The following RMND5A variants were observed in gnomAD, a reference collection of about 807,000 sequenced individuals.
RMND5A encodes required for meiotic nuclear division 5 homolog A.
Under a neutral mutation model 49.7 loss-of-function variants are expected in RMND5A, and 17 were observed. That is an observed-to-expected ratio of 0.34 (90% CI 0.23 to 0.51). RMND5A has a LOEUF of 0.51. Among genes scored for constraint, RMND5A ranks in the 20% least tolerant of loss-of-function variants. RMND5A has a pLI of 0.96. For synonymous variants in RMND5A, 156 were observed against 167.7 expected (o/e 0.93, Z 0.54); for missense variants, 255 against 471.3 (o/e 0.54, Z 4.25).
Position 86,720,600 on chromosome 2 carries a change from CGGTG to C in RMND5A, c.-65_-62del. ...GGGAACGAGGAGCAGGACGCGGCCTCGGTGGGGCCCGGGCCGAACGGCTGCGGAC... is the reference window on the plus strand; with the variant it reads ...GGGAACGAGGAGCAGGACGCGGCCTCGGGCCCGGGCCGAACGGCTGCGGAC... On this transcript the variant is annotated 5_prime_UTR_variant, in exon 1 of 9. Transcript: ENST00000283632. The C allele has an allele frequency of 7.5e-7, 1 of 1,339,008 alleles. No individual in the cohort carries two copies. The highest frequency in any genetic ancestry group is 9.7e-7 in the Non-Finnish European group (1 of 1,034,752). 82.9% of individuals were successfully genotyped at this position (1,339,008 alleles called of 1,614,324 possible). A position where few individuals can be genotyped will look rare whatever the true frequency, so the allele number is the denominator to read the frequency against.
At chr2:86,767,013 T>C (rs1047719587) in intron 6 of RMND5A, among the ~76,000 whole-genome samples, 6 of 152,180 alleles carry the variant, frequency 3.9e-5, no homozygotes, top group African/African-American at 1.2e-4. Context: ...TTTTGAGTTA[T>C]GAGCTAGCTG....
chr2:86,748,733 A>G (rs1441338251), intron 2 of RMND5A, among the ~76,000 whole-genome samples: 1 of 152,254 alleles, frequency 6.6e-6, no homozygotes, highest in African/African-American at 2.4e-5. Flanking sequence ...ATGGTAGCTT[A>G]TTAAAATTCT....
chr2:86,773,002 G>A (rs1378904835), intron 8 of RMND5A, among the ~76,000 whole-genome samples: 1 of 152,178 alleles, frequency 6.6e-6, no homozygotes, highest in Non-Finnish European at 1.5e-5. Context: ...TGTGTGACCA[G>A]TACATTTGAA....
chr2:86,736,509 T>C (rs1431620786), intron 1 of RMND5A, among the ~76,000 whole-genome samples: 3 of 84,062 alleles, frequency 3.6e-5, no homozygotes, highest in African/African-American at 1.1e-4. Context: ...TTATATATTA[T>C]GTGATTCTTT....
At chr2:86,760,965 AGTGT>A (rs35942120) in intron 4 of RMND5A, among the ~76,000 whole-genome samples, 4,916 of 145,282 alleles carry the variant, frequency 0.034, 105 homozygotes, top group East Asian at 0.097. Context: ...GAGAGAGAGA[AGTGT>A]GTGTGTGTGT....
rs1195586641 is a variant in RMND5A, at chr2:86,776,542, A to G, written c.*3131A>G. On this transcript the variant is annotated 3_prime_UTR_variant, in exon 9 of 9. Transcript: ENST00000283632. ...CTCGCAGGTTATGCAGCTTAAGTTCAGTCTTCTTTATGCTGCGATTGATTT... is the reference window on the plus strand; with the variant it reads ...CTCGCAGGTTATGCAGCTTAAGTTCGGTCTTCTTTATGCTGCGATTGATTT... The G allele has an allele frequency of 6.6e-6, 1 of 152,212 alleles. No homozygotes were observed. The highest frequency in any genetic ancestry group is 1.5e-5 in the Non-Finnish European group (1 of 68,040). The allele number at this position is 152,212 out of a possible 1,614,324, so 9.4% of individuals were successfully genotyped here. A position where few individuals can be genotyped will look rare whatever the true frequency, so the allele number is the denominator to read the frequency against.
At chr2:86,744,097 A>G (rs1236136858) in intron 2 of RMND5A, among the ~76,000 whole-genome samples, 1 of 152,062 alleles carries the variant, frequency 6.6e-6, no homozygotes, top group Non-Finnish European at 1.5e-5. Flanking sequence ...TCAGTTCCCT[A>G]GTATCTTTCA....
At chr2:86,750,350 A>G (rs1288687269) in intron 2 of RMND5A, among the ~76,000 whole-genome samples, 1 of 152,218 alleles carries the variant, frequency 6.6e-6, no homozygotes, top group Non-Finnish European at 1.5e-5. Flanking sequence ...TTTCATCTTC[A>G]TTCCTGAAGG....
intron 4 of RMND5A, among the ~76,000 whole-genome samples, chr2:86,755,170 G>A (rs145064271): frequency 0.015 from 2,287 of 150,908 alleles, 70 homozygotes; most frequent in African/African-American, 0.053. Context: ...AGGCTAGAGT[G>A]CAGTGGGATG....
At chr2:86,721,851 G>A (rs1310239525) in intron 1 of RMND5A, among the ~76,000 whole-genome samples, 3 of 145,258 alleles carry the variant, frequency 2.1e-5, no homozygotes, top group Non-Finnish European at 4.5e-5. Flanking sequence ...TGAGGGCAGT[G>A]GCGTTAGCTG....
At position 86,765,903 on chromosome 2, in the gene RMND5A, A is replaced by T. The variant is rs2104408537; in HGVS notation, c.733A>T (p.Ile245Phe). Residue 245 changes from isoleucine to phenylalanine, a missense_variant, in exon 6 of 9, where the codon ATT (isoleucine) becomes TTT (phenylalanine). Coordinates refer to ENST00000283632, the MANE Select transcript of RMND5A (RefSeq NM_022780.4). The stretch of plus-strand genomic sequence containing the variant: ...AAGCCTTGTGTACCTGAGACAAGGG[A>T]TTGAGAACTCACCATATGTTCACCT... ...MGSLVYLRQG[I>F]ENSPYVHLLD... 6.2e-7 allele frequency: 1 copy of T among 1,614,074 alleles called. No homozygotes were observed. Among genetic ancestry groups the T allele is most frequent in the South Asian group, 1.1e-5 (1 of 91,072 alleles).
rs1672743902 is a variant in RMND5A at position 86,775,064 on chromosome 2, C to G, written c.*1653C>G. The G allele has an allele frequency of 6.5e-6, 1 of 152,674 alleles. No homozygotes were observed. Among genetic ancestry groups the G allele is most frequent in the East Asian group, 1.9e-4 (1 of 5,194 alleles). 9.5% of individuals were successfully genotyped at this position (152,674 alleles called of 1,614,324 possible). On this transcript the variant is annotated 3_prime_UTR_variant, in exon 9 of 9. Transcript: ENST00000283632. Reference sequence around the variant, plus strand: ...TCACCAGCGGTTGGGATTGGCCCAGCTTGGAGTGCTTGTGTGGTCCAACCT... The same window carrying G: ...TCACCAGCGGTTGGGATTGGCCCAGGTTGGAGTGCTTGTGTGGTCCAACCT...
chr2:86,764,932 C>A, intron 4 of RMND5A, 95 bp from the exon 5 acceptor site: 3 of 1,226,476 alleles, frequency 2.4e-6, no homozygotes, highest in Non-Finnish European at 3.4e-6. Flanking sequence ...AGATGGCAGA[C>A]CAAGCCCCTT....
intron 6 of RMND5A, among the ~76,000 whole-genome samples, chr2:86,768,413 AG>A (rs1672635490): frequency 6.6e-6 from 1 of 152,204 alleles, no homozygotes; most frequent in Non-Finnish European, 1.5e-5. Context: ...AGATGCAATT[AG>A]CTATAATGTG....
At chr2:86,769,979 T>C in intron 6 of RMND5A, 44 bp from the exon 7 acceptor site, 1 of 1,446,634 alleles carries the variant, frequency 6.9e-7, no homozygotes, top group Non-Finnish European at 9.7e-7. Context: ...CCAAGCGGCC[T>C]GACCCCTGGC....
chr2:86,752,057 T>C, intron 3 of RMND5A, 27 bp downstream of exon 3: 7 of 1,609,604 alleles, frequency 4.3e-6, no homozygotes, highest in Non-Finnish European at 5.9e-6. Flanking sequence ...TGGGAGGATA[T>C]GAAAAAGAAA....
At chr2:86,758,285 G>T (rs1184956160) in intron 4 of RMND5A, among the ~76,000 whole-genome samples, 3 of 152,066 alleles carry the variant, frequency 2.0e-5, no homozygotes, top group Non-Finnish European at 4.4e-5. Context: ...ATGCACAAGT[G>T]GTTGCATACT....
chr2:86,765,939 A>T lies in RMND5A; in HGVS notation c.769A>T (p.Asn257Tyr). ...NSPYVHLLDA[N>Y]QWADICDIFT... is the part of the protein sequence containing the mutation. ...ACCATATGTTCACCTACTTGATGCAAACCAGTGGGCTGATATCTGTGACAT... is the reference window on the plus strand; with the variant it reads ...ACCATATGTTCACCTACTTGATGCATACCAGTGGGCTGATATCTGTGACAT... The change falls in exon 6 of 9, where the codon AAC becomes TAC. Residue 257 changes from asparagine (N) to tyrosine (Y), a missense_variant. Coordinates refer to ENST00000283632, the MANE Select transcript of RMND5A (RefSeq NM_022780.4). The T allele has an allele frequency of 6.2e-7, 1 of 1,614,162 alleles. No homozygotes were observed. The highest frequency in any genetic ancestry group is 1.1e-5 in the South Asian group (1 of 91,080).
At chr2:86,729,209 G>GGA (rs1324052811) in intron 1 of RMND5A, among the ~76,000 whole-genome samples, 2 of 152,254 alleles carry the variant, frequency 1.3e-5, no homozygotes, top group Non-Finnish European at 2.9e-5. Context: ...GAAGTTAGTT[G>GGA]GAGAGACCAG....
Sources: gnomAD v4.1 joint callset for allele counts (sites outside exome capture counted in the v4.1 genomes callset) on GRCh38, gnomAD v4.1.1 for gene constraint, MANE v1.5 for transcripts, NCBI Gene and HGNC (gene_info 2026-07-23, HGNC 2026-07-21) for gene names.